RNF216: variants seen among roughly 807,000 people sequenced by gnomAD.
RNF216 encodes ring finger protein 216.
RNF216 carries 72 observed loss-of-function variants against 110.8 expected under a neutral mutation model. That is an observed-to-expected ratio of 0.65 (90% CI 0.54 to 0.79). RNF216 has a LOEUF of 0.79. RNF216 is among the 30% of genes least tolerant of loss of function. The pLI, the probability that RNF216 is intolerant of heterozygous loss-of-function variation, is 0.00. For synonymous variants in RNF216, 495 were observed against 407.5 expected (o/e 1.21, Z -2.59); for missense variants, 1,342 against 1,141.2 (o/e 1.18, Z -2.54).
At chr7:5,631,643 C>A (rs2128559644) in intron 15 of RNF216, among the ~76,000 whole-genome samples, 1 of 151,760 alleles carries the variant, frequency 6.6e-6, no homozygotes, top group East Asian at 1.9e-4. Flanking sequence ...TCACAAAAAA[C>A]TCAGGGATTT....
intron 5 of RNF216, among the ~76,000 whole-genome samples, chr7:5,735,147 A>C (rs1173744485): frequency 1.3e-5 from 2 of 152,090 alleles, no homozygotes; most frequent in South Asian, 2.1e-4. Context: ...CTTCGTCTCA[A>C]AAAAAATAAA....
chr7:5,689,690 CGCCTG>C (rs2079930150), intron 13 of RNF216, among the ~76,000 whole-genome samples: 1 of 152,090 alleles, frequency 6.6e-6, no homozygotes, highest in African/African-American at 2.4e-5. Context: ...TGGTGGCTCA[CGCCTG>C]TAATCCTAGC....
Position 5,624,083 on chromosome 7 carries a change from C to T in RNF216, c.2425G>A (p.Glu809Lys). Residue 809 changes from glutamate to lysine, a missense_variant, in exon 16 of 17, where the codon GAA becomes AAA. By Grantham distance (56) the Glu-to-Lys change is moderately conservative. Transcript: ENST00000389902. This position sits in a 1 kb window ranked among gnomAD's most constrained non-coding sequence, Gnocchi z 4.4. ...KLIEEIQKEA[E>K]EEQKRKNGEN... Reference sequence around the variant, plus strand: ...CCATTCTTTCTTTTCTGTTCCTCTTCAGCCTCCTTCTGGATTTCCTCAATA... The same window carrying T: ...CCATTCTTTCTTTTCTGTTCCTCTTTAGCCTCCTTCTGGATTTCCTCAATA... 6.2e-7 allele frequency: 1 copy of T among 1,613,828 alleles called. No individual in the cohort carries two copies. The highest frequency in any genetic ancestry group is 8.5e-7 in the Non-Finnish European group (1 of 1,179,962).
At chr7:5,770,803 T>TA (rs1402577554) in intron 1 of RNF216, among the ~76,000 whole-genome samples, 2 of 143,086 alleles carry the variant, frequency 1.4e-5, no homozygotes, top group Non-Finnish European at 3.1e-5. Context: ...GAACAGATTC[T>TA]TTTTTTTTTT....
chr7:5,714,625 G>A (rs867428860), intron 11 of RNF216, among the ~76,000 whole-genome samples: 2 of 152,198 alleles, frequency 1.3e-5, no homozygotes, highest in South Asian at 4.1e-4. Context: ...ACTCGGTGGT[G>A]TAAAACAATG....
At position 5,622,776 on chromosome 7, in the gene RNF216, C is replaced by G; in HGVS notation, c.*84G>C. The G allele has an allele frequency of 7.3e-7, 1 of 1,366,808 alleles. No homozygotes were observed. Among genetic ancestry groups the G allele is most frequent in the Non-Finnish European group, 1.0e-6 (1 of 996,146 alleles). The allele number at this position is 1,366,808 out of a possible 1,614,324, so 84.7% of individuals were successfully genotyped here. A position where few individuals can be genotyped will look rare whatever the true frequency, so the allele number is the denominator to read the frequency against. On this transcript the variant is annotated 3_prime_UTR_variant, in exon 17 of 17. Transcript: ENST00000389902. ...CAAGCTGACTTAGGATGCAATGGTA[C>G]AGACACCAGCCTTGGGGGAGGGTTC...
intron 4 of RNF216, among the ~76,000 whole-genome samples, chr7:5,739,775 C>A (rs1031837664): frequency 3.9e-5 from 6 of 152,072 alleles, no homozygotes; most frequent in Admixed American, 2.0e-4. Flanking sequence ...TCGAGGCAGG[C>A]GGATCACCTG....
intron 6 of RNF216, among the ~76,000 whole-genome samples, chr7:5,730,472 G>A (rs1027670995): frequency 2.0e-5 from 3 of 152,152 alleles, no homozygotes; most frequent in Non-Finnish European, 4.4e-5. Flanking sequence ...AATTCTTTGT[G>A]GGAAAAGGAA....
At chr7:5,746,614 G>A (rs2112006) in intron 3 of RNF216, among the ~76,000 whole-genome samples, 47,050 of 151,964 alleles carry the variant, frequency 0.31, 8,303 homozygotes, top group Admixed American at 0.41. Flanking sequence ...GGCTAGGTAG[G>A]ACATCTTGGA....
chr7:5,752,332 G>A (rs959512635), intron 3 of RNF216, among the ~76,000 whole-genome samples: 1 of 152,142 alleles, frequency 6.6e-6, no homozygotes, highest in African/African-American at 2.4e-5. Flanking sequence ...GAATATTAAA[G>A]TAGCCTTGAC....
chr7:5,729,974 A>C (rs1793993544), intron 6 of RNF216, among the ~76,000 whole-genome samples: 1 of 152,240 alleles, frequency 6.6e-6, no homozygotes, highest in Admixed American at 6.5e-5. Flanking sequence ...TTAGTTCTCA[A>C]CCATACTTGA....
intron 1 of RNF216, among the ~76,000 whole-genome samples, chr7:5,770,340 A>G (rs996609318): frequency 2.0e-5 from 3 of 152,056 alleles, no homozygotes; most frequent in Non-Finnish European, 4.4e-5. Context: ...ACATGCCTGT[A>G]ATCCCAGCTA....
intron 15 of RNF216, among the ~76,000 whole-genome samples, chr7:5,626,771 G>A (rs1786734617): frequency 6.6e-6 from 1 of 152,202 alleles, no homozygotes; most frequent in Non-Finnish European, 1.5e-5. Flanking sequence ...AGGTTCCTGA[G>A]TATCCCTGCG....
intron 1 of RNF216, among the ~76,000 whole-genome samples, chr7:5,765,428 C>T (rs1002195280): frequency 6.6e-6 from 1 of 152,008 alleles, no homozygotes; most frequent in Non-Finnish European, 1.5e-5. Context: ...TGTGCCACTG[C>T]ACTCCAGCCT....
chr7:5,743,556 G>T (rs542603661), intron 3 of RNF216, among the ~76,000 whole-genome samples: 37 of 152,262 alleles, frequency 2.4e-4, no homozygotes, highest in African/African-American at 7.9e-4. Flanking sequence ...GTGAAGAAAA[G>T]CAAGCTGCAA....
intron 1 of RNF216, among the ~76,000 whole-genome samples, chr7:5,762,771 T>C (rs1433776228): frequency 2.6e-5 from 4 of 152,154 alleles, no homozygotes; most frequent in African/African-American, 9.6e-5. Context: ...GGACAGTGAC[T>C]ATTTCTGGGT....
At chr7:5,756,392 G>T (rs902865274) in intron 2 of RNF216, among the ~76,000 whole-genome samples, 3 of 152,174 alleles carry the variant, frequency 2.0e-5, no homozygotes, top group African/African-American at 7.2e-5. Flanking sequence ...AGTTGCAACA[G>T]AAACCATATG....
At position 5,673,173 on chromosome 7, in the gene RNF216, G is replaced by A. The variant is rs145264897; in HGVS notation, c.2062-20663C>T. Among the ~76,000 whole-genome samples the A allele has an allele frequency of 1.1e-4, 17 of 152,252 alleles. 1 individual carries two copies. The East Asian group carries it at 3.3e-3, about 29-fold the overall frequency. On this transcript the variant is annotated intron_variant, in intron 13 of 16. Coordinates refer to ENST00000389902, the MANE Select transcript of RNF216 (RefSeq NM_207111.4). ...CCCCACCTGCGGGCAGTACCGCACT[G>A]GTCACCAGCACCACCCCAAGCGGGG...
intron 4 of RNF216, 122 bp downstream of exon 4, chr7:5,740,851 T>A (rs1042923624): frequency 2.3e-6 from 2 of 875,978 alleles, no homozygotes; most frequent in African/African-American, 3.4e-5. Context: ...CATCTAGATA[T>A]ATACTTCTTA....
Sources: allele counts gnomAD v4.1 joint callset (sites outside exome capture counted in the v4.1 genomes callset), GRCh38; gene constraint gnomAD v4.1.1; non-coding constraint Gnocchi (gnomAD v3.1); transcripts MANE v1.5; gene names NCBI Gene and HGNC (gene_info 2026-07-23, HGNC 2026-07-21).